DGKB: variants seen among roughly 807,000 people sequenced by gnomAD.
DGKB encodes the protein diacylglycerol kinase beta, also known as 90 kDa diacylglycerol kinase.
DGKB carries 67 observed loss-of-function variants against 114.3 expected under a neutral mutation model. The ratio of observed to expected loss-of-function variants is 0.59; its 90% CI spans 0.48 to 0.72. The LOEUF (loss-of-function observed/expected upper bound fraction) is 0.72. Among genes scored for constraint, DGKB ranks in the 30% least tolerant of loss-of-function variants. The pLI, the probability that DGKB is intolerant of heterozygous loss-of-function variation, is 0.00. For missense variants in DGKB, 907 were observed against 975.2 expected, an observed-to-expected ratio of 0.93 and a Z score of 0.93; for synonymous variants, 398 against 323.1, an observed-to-expected ratio of 1.23 and a Z score of -2.49.
chr7:14,352,448 A>T (rs1813649598), intron 21 of DGKB, among the ~76,000 whole-genome samples: 1 of 152,196 alleles, frequency 6.6e-6, no homozygotes, highest in Admixed American at 6.5e-5. Flanking sequence ...AGAACTAATT[A>T]CAGAGCAAAA....
At chr7:14,965,794 C>T (rs1455371507) in intron 1 of DGKB, among the ~76,000 whole-genome samples, 1 of 151,820 alleles carries the variant, frequency 6.6e-6, no homozygotes, top group Non-Finnish European at 1.5e-5. Context: ...CATGTTTGGC[C>T]CCTCAATGCT....
At chr7:14,167,504 T>TATC (rs1562515483) in intron 25 of DGKB, among the ~76,000 whole-genome samples, 1 of 151,934 alleles carries the variant, frequency 6.6e-6, no homozygotes, top group Admixed American at 6.6e-5. Context: ...AAAAAAAAAA[T>TATC]ATCAGAGAGA....
At chr7:14,401,337 C>T (rs1057157660) in intron 21 of DGKB, among the ~76,000 whole-genome samples, 8 of 151,800 alleles carry the variant, frequency 5.3e-5, no homozygotes, top group Admixed American at 1.3e-4. Context: ...ATCTCATAAG[C>T]CTGAGAAAGC....
rs554741428 is a variant in DGKB at position 14,642,899 on chromosome 7, T to C, written c.1135-12631A>G. Among the ~76,000 whole-genome samples, 307 of 152,338 alleles carry C rather than the reference T, an allele frequency of 2.0e-3. 1 individual carries two copies. Among genetic ancestry groups the C allele is most frequent in the African/African-American group, 7.2e-3 (300 of 41,574 alleles). On this transcript the variant is annotated intron_variant, in intron 13 of 25. Coordinates refer to ENST00000402815, the MANE Select transcript of DGKB (RefSeq NM_001350709.2). ...TATAATACTCTTTGTTTTAAGTCTA[T>C]TTTTAAAATTTAGCTTTTAATACAT... is the stretch of plus-strand genomic sequence containing the variant.
chr7:14,605,333 C>CTATATTTCATATA (rs1245024722), intron 17 of DGKB, among the ~76,000 whole-genome samples: 1 of 148,318 alleles, frequency 6.7e-6, no homozygotes, highest in South Asian at 2.1e-4. Context: ...AACTATCTAC[C>CTATATTTCATATA]TATATTTCAT....
chr7:14,500,971 C>T (rs190736048), intron 20 of DGKB, among the ~76,000 whole-genome samples: 53 of 151,652 alleles, frequency 3.5e-4, no homozygotes, highest in Admixed American at 1.5e-3. Flanking sequence ...TAATAATAAA[C>T]GGGACAAGAA....
At chr7:14,227,139 G>A (rs1349263679) in intron 23 of DGKB, among the ~76,000 whole-genome samples, 2 of 152,050 alleles carry the variant, frequency 1.3e-5, no homozygotes, top group African/African-American at 4.8e-5. Context: ...GAAGTCCAGG[G>A]TTAGAATACA....
At chr7:14,833,963 G>A (rs1446726622) in intron 2 of DGKB, among the ~76,000 whole-genome samples, 1 of 152,152 alleles carries the variant, frequency 6.6e-6, no homozygotes, top group South Asian at 2.1e-4. Flanking sequence ...GTCATCATTT[G>A]CCACTGGATC....
At chr7:14,934,944 G>A (rs1440128515) in intron 1 of DGKB, among the ~76,000 whole-genome samples, 2 of 152,082 alleles carry the variant, frequency 1.3e-5, no homozygotes, top group African/African-American at 2.4e-5. Context: ...TCTACCTACA[G>A]CCTAATGTTA....
intron 23 of DGKB, among the ~76,000 whole-genome samples, chr7:14,180,909 A>G (rs1376524537): frequency 1.3e-5 from 2 of 152,192 alleles, no homozygotes; most frequent in East Asian, 3.9e-4. Flanking sequence ...CTAACCAGCT[A>G]GATCAACCTA....
chr7:14,613,576 C>CGT (rs879910253), intron 15 of DGKB, among the ~76,000 whole-genome samples, 163 bp from the exon 16 acceptor site: 2,612 of 82,574 alleles, frequency 0.032, 33 homozygotes, highest in South Asian at 0.065. Flanking sequence ...CGTGTGTGTG[C>CGT]GTGTGTATGT....
intron 17 of DGKB, among the ~76,000 whole-genome samples, chr7:14,585,518 TCTA>T (rs1441941799): frequency 6.6e-6 from 1 of 152,206 alleles, no homozygotes; most frequent in Non-Finnish European, 1.5e-5. Flanking sequence ...TCTTTCTACT[TCTA>T]CTGCTGTGTT....
chr7:14,174,726 C>G (rs1364844362), intron 25 of DGKB, among the ~76,000 whole-genome samples: 1 of 152,124 alleles, frequency 6.6e-6, no homozygotes, highest in Non-Finnish European at 1.5e-5. Flanking sequence ...TTACCCCCAC[C>G]ACCATCATAA....
Position 14,733,496 on chromosome 7 carries a change from G to T in DGKB, c.322+2545C>A, listed in dbSNP as rs147991988. On this transcript the variant is annotated intron_variant, in intron 5 of 25. Coordinates refer to ENST00000402815, the MANE Select transcript of DGKB (RefSeq NM_001350709.2). The stretch of plus-strand genomic sequence containing the variant: ...GAGGCCAGGCATTCGAGACCAGCCT[G>T]GTCAACATGGTAAAACCCTATCTCT... 1.8e-3 allele frequency among the ~76,000 whole-genome samples: 277 copies of T among 152,186 alleles called. 2 individuals are homozygous for T. The highest frequency in any genetic ancestry group is 6.6e-3 in the African/African-American group (275 of 41,520).
intron 23 of DGKB, among the ~76,000 whole-genome samples, chr7:14,282,527 T>C (rs1220078080): frequency 6.6e-6 from 1 of 151,752 alleles, no homozygotes; most frequent in Non-Finnish European, 1.5e-5. Context: ...CCAGCATCAT[T>C]CTGATACCAA....
At chr7:14,589,697 T>A (rs777089500) in intron 17 of DGKB, among the ~76,000 whole-genome samples, 2 of 152,018 alleles carry the variant, frequency 1.3e-5, no homozygotes, top group African/African-American at 4.8e-5. Flanking sequence ...AATAAACATT[T>A]ATATATTTCT....
chr7:14,220,206 G>C (rs997307450), intron 23 of DGKB, among the ~76,000 whole-genome samples: 1 of 151,576 alleles, frequency 6.6e-6, no homozygotes, highest in Non-Finnish European at 1.5e-5. Flanking sequence ...AAACATAGAA[G>C]AGGTACAGTA....
intron 5 of DGKB, among the ~76,000 whole-genome samples, chr7:14,729,249 A>C (rs1586039062): frequency 6.7e-6 from 1 of 148,156 alleles, no homozygotes; most frequent in East Asian, 2.0e-4. Flanking sequence ...CAGCCTCCCG[A>C]GTAGCTGGGA....
intron 1 of DGKB, among the ~76,000 whole-genome samples, chr7:14,934,364 T>C (rs1409057036): frequency 6.6e-6 from 1 of 152,156 alleles, no homozygotes; most frequent in Non-Finnish European, 1.5e-5. Context: ...TAATATGAAT[T>C]ACAAGTGTGA....
Sources: allele counts gnomAD v4.1 joint callset (sites outside exome capture counted in the v4.1 genomes callset), GRCh38; gene constraint gnomAD v4.1.1; transcripts MANE v1.5; gene names NCBI Gene and HGNC (gene_info 2026-07-23, HGNC 2026-07-21).